The following CNTN6 variants were observed in gnomAD, a reference collection of about 807,000 sequenced individuals.
CNTN6 encodes the protein contactin 6, also known as contactin-6.
In CNTN6, 137 loss-of-function variants were observed where a neutral mutation model predicts 122.8. The observed-to-expected ratio is 1.12, with a 90% confidence interval of 0.97 to 1.29. The LOEUF (loss-of-function observed/expected upper bound fraction) is 1.29. Among genes scored for constraint, CNTN6 ranks in the 50% most tolerant of loss-of-function variants. The pLI, the probability that CNTN6 is intolerant of heterozygous loss-of-function variation, is 0.00. For synonymous variants in CNTN6, 570 were observed against 426.0 expected, an observed-to-expected ratio of 1.34 and a Z score of -4.16; for missense variants, 1,634 against 1,223.4, an observed-to-expected ratio of 1.34 and a Z score of -5.01.
At chr3:1,212,214 C>T (rs1473642527) in intron 2 of CNTN6, among the ~76,000 whole-genome samples, 1 of 149,744 alleles carries the variant, frequency 6.7e-6, no homozygotes, top group Non-Finnish European at 1.5e-5. Context: ...CAGTGTCTAC[C>T]TATTCCAAAG....
intron 12 of CNTN6, among the ~76,000 whole-genome samples, chr3:1,360,095 A>AT (rs1707234553): frequency 6.6e-6 from 1 of 152,080 alleles, no homozygotes; most frequent in African/African-American, 2.4e-5. Flanking sequence ...GAGATATACA[A>AT]TTTTTTTAAT....
rs758024527 is a variant in CNTN6, at chr3:1,385,802, G to C, written c.2704+5G>C. Reference sequence around the variant, plus strand: ...ATGTTACCACCAAAAAGTCTCGTAAGTATGCATACACTCCAGGAAACAAGA... The same window carrying C: ...ATGTTACCACCAAAAAGTCTCGTAACTATGCATACACTCCAGGAAACAAGA... On this transcript the variant is annotated splice_donor_5th_base_variant and intron_variant, in intron 20 of 22. Transcript: ENST00000446702. 1.2e-6 allele frequency: 2 copies of C among 1,604,608 alleles called. No homozygotes were observed. The highest frequency in any genetic ancestry group is 1.1e-5 in the South Asian group (1 of 89,786).
At chr3:1,307,251 G>T (rs528006944) in intron 7 of CNTN6, among the ~76,000 whole-genome samples, 5 of 152,074 alleles carry the variant, frequency 3.3e-5, no homozygotes, top group African/African-American at 9.7e-5. Context: ...TTTTTCCCAC[G>T]CTGCCCTTTA....
chr3:1,215,723 A>G (rs2094120979), intron 2 of CNTN6, among the ~76,000 whole-genome samples: 1 of 152,192 alleles, frequency 6.6e-6, no homozygotes, highest in Admixed American at 6.5e-5. Context: ...TTGCATAGTT[A>G]CTATTCCATT....
chr3:1,211,979 T>C (rs2125477589), intron 2 of CNTN6, among the ~76,000 whole-genome samples: 1 of 152,244 alleles, frequency 6.6e-6, no homozygotes, highest in East Asian at 1.9e-4. Flanking sequence ...CATTCAGAAA[T>C]GCCAGAATGT....
intron 1 of CNTN6, among the ~76,000 whole-genome samples, chr3:1,109,772 T>A (rs1187081812): frequency 6.6e-6 from 1 of 152,142 alleles, no homozygotes; most frequent in African/African-American, 2.4e-5. Context: ...CACATACTTC[T>A]ATTTATATAC....
intron 4 of CNTN6, among the ~76,000 whole-genome samples, chr3:1,252,575 TA>T (rs2094688754): frequency 1.3e-5 from 2 of 152,210 alleles, no homozygotes; most frequent in Admixed American, 6.5e-5. Context: ...ACATTTTCCC[TA>T]CTAGTCATTT....
At position 1,295,734 on chromosome 3, in the gene CNTN6, C is replaced by T. The variant is rs745999420; in HGVS notation, c.588C>T (p.Cys196=). 2 of 1,614,052 alleles carry T rather than the reference C, an allele frequency of 1.2e-6. No individual in the cohort carries two copies. Among genetic ancestry groups the T allele is most frequent in the Non-Finnish European group, 1.7e-6 (2 of 1,179,922 alleles). The change falls in exon 6 of 23, where the codon TGC becomes TGT. Residue 196 remains cysteine (C), a synonymous_variant. Coordinates refer to ENST00000446702, the MANE Select transcript of CNTN6 (RefSeq NM_001289080.2). The part of the protein sequence containing the change: ...VEPSDVGNYT[C]FITNKEAQRS... ...CATCAGATGTGGGCAACTACACTTG[C>T]TTTATAACTAACAAAGAGGCCCAGA...
At chr3:1,209,772 A>T (rs1443406423) in intron 2 of CNTN6, among the ~76,000 whole-genome samples, 2 of 152,112 alleles carry the variant, frequency 1.3e-5, no homozygotes, top group Admixed American at 1.3e-4. Context: ...CAGTATCTTT[A>T]TACCTGAATT....
At chr3:1,199,242 C>T (rs1471303283) in intron 2 of CNTN6, among the ~76,000 whole-genome samples, 2 of 150,488 alleles carry the variant, frequency 1.3e-5, no homozygotes, top group African/African-American at 4.9e-5. Context: ...GCAGTGACAC[C>T]ATCACAGCTC....
At chr3:1,250,895 G>A (rs559003607) in intron 4 of CNTN6, among the ~76,000 whole-genome samples, 17 of 151,672 alleles carry the variant, frequency 1.1e-4, no homozygotes, top group South Asian at 4.2e-4. Context: ...GGATAGAGTC[G>A]TCCCATCTCC....
At chr3:1,190,325 C>G (rs112518477) in intron 2 of CNTN6, among the ~76,000 whole-genome samples, 3,939 of 152,258 alleles carry the variant, frequency 0.026, 82 homozygotes, top group Non-Finnish European at 0.043. Context: ...GTTAGGAATT[C>G]AACAAATACA....
chr3:1,382,991 T>A lies in CNTN6; in HGVS notation c.2216T>A (p.Met739Lys). ...QNGEGFGYIIMFRPVGSTTWS... is the reference protein window; with the variant it reads ...QNGEGFGYIIKFRPVGSTTWS... ...GGGGAGGGATTTGGATATATCATCA[T>A]GTTCCGGCCAGTGGGCTCGACAACC... Residue 739 changes from methionine (M) to lysine (K), a missense_variant, in exon 18 of 23, where the codon ATG (methionine) becomes AAG (lysine). Physicochemically the swap from Met to Lys is moderately conservative, Grantham distance 95. Coordinates refer to ENST00000446702, the MANE Select transcript of CNTN6 (RefSeq NM_001289080.2). The A allele has an allele frequency of 6.2e-7, 1 of 1,614,110 alleles. No individual in the cohort carries two copies. The highest frequency in any genetic ancestry group is 8.5e-7 in the Non-Finnish European group (1 of 1,179,962).
chr3:1,156,320 TGAA>T (rs2092961205), intron 2 of CNTN6, among the ~76,000 whole-genome samples: 1 of 152,214 alleles, frequency 6.6e-6, no homozygotes, highest in Non-Finnish European at 1.5e-5. Context: ...CTTGATTCTG[TGAA>T]GAAGAATTTT....
chr3:1,277,355 T>C (rs1279951383), intron 4 of CNTN6, among the ~76,000 whole-genome samples: 3 of 73,754 alleles, frequency 4.1e-5, no homozygotes, highest in South Asian at 7.3e-4. Flanking sequence ...TCTTTTTTTT[T>C]TTTTTTTTTT....
chr3:1,108,494 C>T, intron 1 of CNTN6, among the ~76,000 whole-genome samples: 1 of 151,988 alleles, frequency 6.6e-6, no homozygotes, highest in South Asian at 2.1e-4. Context: ...AGTTTGGAGT[C>T]CTGTTGGTGC....
chr3:1,283,511 G>T (rs1385035275), intron 5 of CNTN6, among the ~76,000 whole-genome samples: 3 of 152,046 alleles, frequency 2.0e-5, no homozygotes, highest in South Asian at 2.1e-4. Flanking sequence ...ACTGAAGAAG[G>T]AATATGAAAA....
Position 1,327,478 on chromosome 3 carries a change from G to C in CNTN6, c.1105G>C (p.Gly369Arg). Residue 369 changes from glycine (G) to arginine (R), a missense_variant, in exon 10 of 23, where the codon GGG becomes CGG. Coordinates refer to ENST00000446702, the MANE Select transcript of CNTN6 (RefSeq NM_001289080.2). ...TTAGGAGAGAATTCAAATAGAAAAT[G>C]GGACACTCATCATAACGATGCTGAA... ...NPEERIQIEN[G>R]TLIITMLNVS... The C allele has an allele frequency of 1.2e-6, 2 of 1,610,280 alleles. No homozygotes were observed. The highest frequency in any genetic ancestry group is 1.7e-6 in the Non-Finnish European group (2 of 1,177,754).
chr3:1,152,160 A>G (rs1387616068), intron 2 of CNTN6, among the ~76,000 whole-genome samples: 2 of 151,780 alleles, frequency 1.3e-5, no homozygotes, highest in East Asian at 3.9e-4. Context: ...GTTTTTTGAG[A>G]TGGCGTCTCC....
Sources: gnomAD v4.1 joint callset for allele counts (sites outside exome capture counted in the v4.1 genomes callset) on GRCh38, gnomAD v4.1.1 for gene constraint, MANE v1.5 for transcripts, NCBI Gene and HGNC (gene_info 2026-07-23, HGNC 2026-07-21) for gene names.